FHAD1: variants seen among roughly 807,000 people sequenced by gnomAD.
FHAD1 encodes forkhead associated phosphopeptide binding domain 1, also known as forkhead-associated domain-containing protein 1.
FHAD1 carries 146 observed loss-of-function variants against 191.3 expected under a neutral mutation model. That is an observed-to-expected ratio of 0.76 (90% confidence interval 0.67 to 0.88). The LOEUF (loss-of-function observed/expected upper bound fraction) is 0.88. Ranked by LOEUF, FHAD1 falls within the 40% of genes least tolerant of loss-of-function variation. The probability of loss-of-function intolerance (pLI) is 0.00; values close to 1 mark genes in which losing one functional copy is unlikely to be tolerated. For missense variants in FHAD1, 1,635 were observed against 1,785.8 expected (o/e 0.92, Z 1.52); for synonymous variants, 616 against 672.3 (o/e 0.92, Z 1.29).
chr1:15,274,908 T>C (rs188310037), intron 3 of FHAD1, among the ~76,000 whole-genome samples: 54 of 152,344 alleles, frequency 3.5e-4, no homozygotes, highest in African/African-American at 8.9e-4. Context: ...GAGAAAACCA[T>C]TGGGTCAGCT....
At chr1:15,385,902 C>T (rs1701996405) in intron 31 of FHAD1, among the ~76,000 whole-genome samples, 2 of 152,242 alleles carry the variant, frequency 1.3e-5, no homozygotes, top group Non-Finnish European at 2.9e-5. Context: ...TCATCAGCCT[C>T]CTGACTCTGG....
At chr1:15,305,376 A>T (rs1415595664) in intron 6 of FHAD1, among the ~76,000 whole-genome samples, 3 of 152,158 alleles carry the variant, frequency 2.0e-5, no homozygotes, top group African/African-American at 4.8e-5. Flanking sequence ...ACCATGCTCC[A>T]CGGCCTCAGG....
rs71572151 is a variant in FHAD1 at position 15,355,936 on chromosome 1, G to GAA, written c.2563-2160_2563-2159dup. Among the ~76,000 whole-genome samples the GAA allele has an allele frequency of 8.4e-3, 983 of 117,356 alleles. 16 individuals carry two copies. The highest frequency in any genetic ancestry group is 0.027 in the African/African-American group (913 of 34,012). 77.0% of individuals were successfully genotyped at this position (117,356 alleles called of 152,430 possible). A position where few individuals can be genotyped will look rare whatever the true frequency, so the allele number is the denominator to read the frequency against. ...AAAAACCTGTCATTCTAGAAAACTT[G>GAA]AAAAAAAAAAAAAAACAGAAAATCA... On this transcript the variant is annotated intron_variant, in intron 20 of 33. Transcript: ENST00000688493.
intron 2 of FHAD1, among the ~76,000 whole-genome samples, chr1:15,259,920 C>T (rs1338604031): frequency 6.6e-6 from 1 of 152,146 alleles, no homozygotes; most frequent in Non-Finnish European, 1.5e-5. Context: ...CACAAAGATC[C>T]GGAGGTGTTG....
chr1:15,391,133 A>C, intron 32 of FHAD1, 77 bp from the exon 33 acceptor site: 2 of 823,792 alleles, frequency 2.4e-6, no homozygotes, highest in Non-Finnish European at 3.3e-6. Flanking sequence ...AAAGTGGAGA[A>C]AAATCCATTT....
intron 1 of FHAD1, among the ~76,000 whole-genome samples, chr1:15,240,640 AAAAAAAAG>A (rs1344983240): frequency 1.3e-5 from 2 of 150,524 alleles, no homozygotes; most frequent in Non-Finnish European, 3.0e-5. Context: ...CAAAAAAAAA[AAAAAAAAG>A]AAAGAAAAAG....
chr1:15,350,880 CA>C (rs1690625629), intron 19 of FHAD1, among the ~76,000 whole-genome samples: 1 of 152,136 alleles, frequency 6.6e-6, no homozygotes, highest in African/African-American at 2.4e-5. Context: ...GAAGTGAGGT[CA>C]GAGTCCAGGT....
At chr1:15,245,669 G>A (rs1393406892), upstream of FHAD1, among the ~76,000 whole-genome samples, 2 of 152,226 alleles carry the variant, frequency 1.3e-5, 1 homozygote. Flanking sequence ...CTGGTTGTAG[G>A]AAACTGATCC....
chr1:15,247,577 G>C (rs765792053), intron 1 of FHAD1, among the ~76,000 whole-genome samples, 182 bp downstream of exon 1: 1 of 152,092 alleles, frequency 6.6e-6, no homozygotes, highest in Non-Finnish European at 1.5e-5. Flanking sequence ...TCCAGATGCA[G>C]GCCCCACCCC....
intron 1 of FHAD1, among the ~76,000 whole-genome samples, chr1:15,251,567 G>C (rs1646781405): frequency 6.6e-6 from 1 of 152,156 alleles, no homozygotes; most frequent in African/African-American, 2.4e-5. Flanking sequence ...TTCTATGCTA[G>C]ATATCATGGT....
Position 15,289,742 on chromosome 1 carries a change from T to G in FHAD1, c.568+76T>G. The G allele has an allele frequency of 6.9e-7, 1 of 1,454,766 alleles. No homozygotes were observed. The highest frequency in any genetic ancestry group is 9.1e-7 in the Non-Finnish European group (1 of 1,099,286). The allele number at this position is 1,454,766 out of a possible 1,614,324, so 90.1% of individuals were successfully genotyped here. On this transcript the variant is annotated intron_variant, in intron 4 of 33. Coordinates refer to ENST00000688493, the MANE Select transcript of FHAD1 (RefSeq NM_001391957.1). The surrounding 1 kb of genome is among the most constrained non-coding windows in gnomAD (Gnocchi z 4.2). ...GGATGGGTCTTGGTTTTGGTTTACTTTCTGATTCTAAAAGTAGAACATATT... is the reference window on the plus strand; with the variant it reads ...GGATGGGTCTTGGTTTTGGTTTACTGTCTGATTCTAAAAGTAGAACATATT...
intron 31 of FHAD1, among the ~76,000 whole-genome samples, chr1:15,387,476 C>T (rs951871455): frequency 1.2e-4 from 18 of 151,810 alleles, no homozygotes; most frequent in African/African-American, 3.9e-4. Flanking sequence ...AGGCTGGGTG[C>T]GGTGGCTCAC....
intron 3 of FHAD1, among the ~76,000 whole-genome samples, chr1:15,281,760 CAAAAA>C (rs35950054): frequency 7.8e-5 from 5 of 64,434 alleles, no homozygotes; most frequent in Admixed American, 6.0e-4. Flanking sequence ...GACACTGTCT[CAAAAA>C]AAAAAAAAAA....
In FHAD1 at chr1:15,313,059, A is replaced by G. The variant is rs1672781427; in HGVS notation, c.1042A>G (p.Met348Val). The change falls in exon 8 of 34, where the codon ATG becomes GTG. Residue 348 changes from methionine to valine, a missense_variant and splice_region_variant. Physicochemically the swap from Met to Val is conservative, Grantham distance 21. Transcript: ENST00000688493. ...TCTGCGAGTCTTCTTTTTTACAGGGATGGTGTCATCTTTGCAAAAAGACAT... is the reference window on the plus strand; with the variant it reads ...TCTGCGAGTCTTCTTTTTTACAGGGGTGGTGTCATCTTTGCAAAAAGACAT... ...LKRDNAITSG[M>V]VSSLQKDILA... is the part of the protein sequence containing the mutation. 6.4e-7 allele frequency: 1 copy of G among 1,551,442 alleles called. No homozygotes were observed. Among genetic ancestry groups the G allele is most frequent in the African/African-American group, 1.4e-5 (1 of 72,998 alleles).
intron 23 of FHAD1, chr1:15,364,031 G>A: frequency 3.1e-6 from 1 of 321,086 alleles, no homozygotes; most frequent in East Asian, 8.3e-5. Flanking sequence ...AGAAACGGTG[G>A]TGCCCATGAC....
At chr1:15,328,102 G>C in intron 12 of FHAD1, 175 bp from the exon 13 acceptor site, 1 of 415,838 alleles carries the variant, frequency 2.4e-6, no homozygotes. Flanking sequence ...CCTGGTGACA[G>C]GACCAACGTC....
exon 1 of FHAD1, among the ~76,000 whole-genome samples, chr1:15,236,573 T>G (rs1644813784): frequency 6.6e-6 from 1 of 152,130 alleles, no homozygotes; most frequent in Non-Finnish European, 1.5e-5. Flanking sequence ...TAGGAAAAAA[T>G]TCTCTCTCAT....
chr1:15,251,679 C>T (rs1442455040), intron 1 of FHAD1, 92 bp from the exon 2 acceptor site: 1 of 989,268 alleles, frequency 1.0e-6, no homozygotes, highest in Non-Finnish European at 1.5e-6. Flanking sequence ...GGACATGACT[C>T]TGTGGTTATT....
At chr1:15,375,869 G>T in intron 28 of FHAD1, 139 bp downstream of exon 28, 3 of 885,442 alleles carry the variant, frequency 3.4e-6, no homozygotes, top group Non-Finnish European at 4.9e-6. Context: ...ACTAGCTGGG[G>T]CCCCGACCAT....
Sources: gnomAD v4.1 joint callset for allele counts (sites outside exome capture counted in the v4.1 genomes callset) on GRCh38, gnomAD v4.1.1 for gene constraint, Gnocchi (gnomAD v3.1) non-coding constraint, MANE v1.5 for transcripts, NCBI Gene and HGNC (gene_info 2026-07-23, HGNC 2026-07-21) for gene names.